Variants in C6 observed in about 807,000 individuals in gnomAD.
C6 encodes the protein complement component C6.
A neutral mutation model predicts 112.9 loss-of-function variants in C6; 101 were observed. That is an observed-to-expected ratio of 0.89 (90% confidence interval 0.76 to 1.06). The LOEUF (loss-of-function observed/expected upper bound fraction) is 1.06, where lower values mean the gene tolerates loss of function less well. C6 is among the 50% of genes least tolerant of loss of function. The pLI is 0.00. For synonymous variants in C6, 431 were observed against 384.1 expected, an observed-to-expected ratio of 1.12 and a Z score of -1.43; for missense variants, 1,202 against 1,104.6, an observed-to-expected ratio of 1.09 and a Z score of -1.25.
At chr5:41,181,267 A>T in intron 7 of C6, 92 bp downstream of exon 7, 1 of 1,158,598 alleles carries the variant, frequency 8.6e-7, no homozygotes, top group Non-Finnish European at 1.3e-6. Flanking sequence ...ATACTGGTAC[A>T]ATATCAAAAC....
Position 41,213,424 on chromosome 5 carries a change from G to A in C6, c.-69C>T. 4 of 985,194 alleles carry A rather than the reference G, an allele frequency of 4.1e-6. No homozygotes were observed. Among genetic ancestry groups the A allele is most frequent in the Non-Finnish European group, 4.8e-6 (4 of 829,864 alleles). The allele number at this position is 985,194 out of a possible 1,614,324, so 61.0% of individuals were successfully genotyped here. ...CTCGGACCTAAGCTGCAAATTATTG[G>A]GGAAAAAATAGGTATGCAGAATGAA... On this transcript the variant is annotated 5_prime_UTR_variant, in exon 1 of 18. Coordinates refer to ENST00000337836, the MANE Select transcript of C6 (RefSeq NM_000065.5).
At chr5:41,255,315 C>T (rs757338223) in intron 1 of C6, among the ~76,000 whole-genome samples, 9 of 150,630 alleles carry the variant, frequency 6.0e-5, no homozygotes, top group Non-Finnish European at 8.8e-5. Flanking sequence ...GAGCCGAGAT[C>T]GCCCCACTGC....
At chr5:41,191,568 T>G (rs908598260) in intron 5 of C6, among the ~76,000 whole-genome samples, 3 of 152,202 alleles carry the variant, frequency 2.0e-5, no homozygotes, top group Non-Finnish European at 2.9e-5. Flanking sequence ...CCATTTCTTT[T>G]GTGTCCTCTT....
rs76997076 is a variant in C6 at position 41,196,011 on chromosome 5, C to T, written c.446-78G>A. The stretch of plus-strand genomic sequence containing the variant: ...TATTTATTAATTTGAAACTCAAATG[C>T]TTTAAATTTCAAGGTAAAGTTGAAG... On this transcript the variant is annotated intron_variant, in intron 4 of 17. Coordinates refer to ENST00000337836, the MANE Select transcript of C6 (RefSeq NM_000065.5). The T allele has an allele frequency of 1.7e-3, 2,648 of 1,533,270 alleles. 87 individuals are homozygous for T. The East Asian group carries it at 0.058, about 33-fold the overall frequency. The allele number at this position is 1,533,270 out of a possible 1,614,324, so 95.0% of individuals were successfully genotyped here.
In C6 at chr5:41,161,754, T is replaced by G. The variant is rs780269614; in HGVS notation, c.1397A>C (p.Glu466Ala). ...TTCTAACCACTCAGAAAATGTCTTC[T>G]CCTCCAGACCAGAGCTCCCTTTCTC... ...AWEKGSSGLE[E>A]KTFSEWLESV... is the part of the protein sequence containing the mutation. The change falls in exon 10 of 18, where the codon GAG becomes GCG. Residue 466 changes from glutamate to alanine, a missense_variant. Glu to Ala is a moderately radical substitution (Grantham distance 107). Coordinates refer to ENST00000337836, the MANE Select transcript of C6 (RefSeq NM_000065.5). 2.7e-5 allele frequency: 44 copies of G among 1,613,552 alleles called. No homozygotes were observed. The highest frequency in any genetic ancestry group is 3.6e-5 in the Non-Finnish European group (42 of 1,179,702).
intron 5 of C6, among the ~76,000 whole-genome samples, chr5:41,192,190 C>T (rs1434250240): frequency 6.6e-6 from 1 of 152,094 alleles, no homozygotes; most frequent in Non-Finnish European, 1.5e-5. Context: ...GATGTGATGA[C>T]ATTATTGATT....
chr5:41,230,424 G>A (rs527701730), intron 1 of C6, among the ~76,000 whole-genome samples: 1 of 152,228 alleles, frequency 6.6e-6, no homozygotes, highest in Admixed American at 6.5e-5. Context: ...GCCACTCTGG[G>A]AGTGTCTGTC....
chr5:41,202,322 G>T (rs1239748130), intron 2 of C6, among the ~76,000 whole-genome samples: 4 of 152,128 alleles, frequency 2.6e-5, no homozygotes, highest in African/African-American at 9.7e-5. Context: ...AGGAATATTT[G>T]CTGTTCTTTT....
chr5:41,237,834 G>T lies in C6; in HGVS notation c.-21+23360C>A, dbSNP rs1382385863. Among the ~76,000 whole-genome samples the T allele has an allele frequency of 5.0e-5, 2 of 39,618 alleles. 1 individual carries two copies. The highest frequency in any genetic ancestry group is 1.0e-4 in the Non-Finnish European group (2 of 19,724). 26.0% of individuals were successfully genotyped at this position (39,618 alleles called of 152,430 possible). A position where few individuals can be genotyped will look rare whatever the true frequency, so the allele number is the denominator to read the frequency against. On this transcript the variant is annotated intron_variant, in intron 1 of 17. Transcript: ENST00000263413. ...GATTGTTTATCTAGAAAACCCCATT[G>T]TCTCAGCCCAAAGTCTCCTTAAGCT...
intron 1 of C6, among the ~76,000 whole-genome samples, chr5:41,246,970 T>G (rs375864926): frequency 1.3e-5 from 2 of 152,232 alleles, no homozygotes; most frequent in African/African-American, 4.8e-5. Context: ...TGTGCAATAA[T>G]GACAGATATC....
At chr5:41,254,183 C>A (rs552597618) in intron 1 of C6, among the ~76,000 whole-genome samples, 2 of 152,166 alleles carry the variant, frequency 1.3e-5, no homozygotes, top group Non-Finnish European at 2.9e-5. Context: ...GGGTGGATCA[C>A]TAGGTCAAGA....
At chr5:41,235,493 T>C (rs1477217088) in intron 1 of C6, among the ~76,000 whole-genome samples, 6 of 143,462 alleles carry the variant, frequency 4.2e-5, no homozygotes, top group African/African-American at 1.3e-4. Context: ...ACATTTGGGT[T>C]GGTTCCAAGT....
chr5:41,184,661 A>G (rs1484029132), intron 6 of C6, among the ~76,000 whole-genome samples: 3 of 151,988 alleles, frequency 2.0e-5, no homozygotes, highest in Non-Finnish European at 2.9e-5. Context: ...TAGTAGAGAC[A>G]GGGTTTCATC....
chr5:41,239,111 C>CTTTTTTT (rs34322889), intron 1 of C6, among the ~76,000 whole-genome samples: 29 of 121,670 alleles, frequency 2.4e-4, no homozygotes, highest in African/African-American at 4.0e-4. Flanking sequence ...TCTTTTCTTT[C>CTTTTTTT]TTTTTTTTTT....
At chr5:41,164,177 T>C (rs1747783560) in intron 9 of C6, among the ~76,000 whole-genome samples, 1 of 151,968 alleles carries the variant, frequency 6.6e-6, no homozygotes, top group South Asian at 2.1e-4. Flanking sequence ...AAAAGACCAA[T>C]AAAATAGTTT....
At chr5:41,259,080 G>A (rs1288310725) in intron 1 of C6, among the ~76,000 whole-genome samples, 6 of 152,116 alleles carry the variant, frequency 3.9e-5, no homozygotes, top group Non-Finnish European at 7.3e-5. Context: ...ACTGGAGTCT[G>A]GGTCACTGTC....
At chr5:41,223,589 G>C (rs114596716) in intron 1 of C6, among the ~76,000 whole-genome samples, 2,801 of 152,284 alleles carry the variant, frequency 0.018, 27 homozygotes, top group Non-Finnish European at 0.024. Flanking sequence ...AACTGGTTAA[G>C]TTGGAGGTGG....
intron 9 of C6, among the ~76,000 whole-genome samples, chr5:41,168,702 G>A (rs1025619899): frequency 2.6e-5 from 4 of 152,104 alleles, no homozygotes; most frequent in African/African-American, 9.7e-5. Flanking sequence ...AGGACCCTCA[G>A]TTCCTTACGG....
intron 3 of C6, among the ~76,000 whole-genome samples, chr5:41,200,481 G>A (rs1362555239): frequency 1.3e-5 from 2 of 152,152 alleles, no homozygotes; most frequent in African/African-American, 2.4e-5. Context: ...ATTAATGGGT[G>A]TATTCTTGGG....
Sources: allele counts gnomAD v4.1 joint callset (sites outside exome capture counted in the v4.1 genomes callset), GRCh38; gene constraint gnomAD v4.1.1; transcripts MANE v1.5; gene names NCBI Gene and HGNC (gene_info 2026-07-23, HGNC 2026-07-21).